The following MKRN2OS variants were observed in gnomAD, a reference collection of about 807,000 sequenced individuals.
The protein encoded by MKRN2OS is MKRN2 opposite strand protein.
MKRN2OS carries 17 observed loss-of-function variants against 18.2 expected under a neutral mutation model. The observed-to-expected ratio is 0.93, with a 90% CI of 0.64 to 1.40. The LOEUF is 1.40. Ranked by LOEUF, MKRN2OS falls within the 40% of genes most tolerant of loss-of-function variation. The pLI is 0.00. For missense variants in MKRN2OS, 337 were observed against 283.0 expected, an observed-to-expected ratio of 1.19 and a Z score of -1.37; for synonymous variants, 121 against 108.5, an observed-to-expected ratio of 1.12 and a Z score of -0.72.
upstream of MKRN2OS, among the ~76,000 whole-genome samples, chr3:12,548,481 AACC>A (rs2057904625): frequency 3.3e-5 from 1 of 30,332 alleles, no homozygotes; most frequent in Non-Finnish European, 6.1e-5. Flanking sequence ...AAAAAAAAAA[AACC>A]AGCCGAGCGT....
chr3:12,544,668 A>G (rs2057861520), intron 1 of MKRN2OS, among the ~76,000 whole-genome samples: 1 of 137,550 alleles, frequency 7.3e-6, no homozygotes, highest in African/African-American at 3.1e-5. Context: ...AACAAGAGCG[A>G]AACTCTGTCT....
At chr3:12,555,389 A>G (rs1559384412) in intron 1 of MKRN2OS, among the ~76,000 whole-genome samples, 1 of 151,738 alleles carries the variant, frequency 6.6e-6, no homozygotes, top group South Asian at 2.1e-4. Flanking sequence ...GTTAAAATGC[A>G]ATATTCAAGA....
At chr3:12,544,862 C>T (rs767518282) in intron 1 of MKRN2OS, among the ~76,000 whole-genome samples, 11 of 151,812 alleles carry the variant, frequency 7.2e-5, no homozygotes, top group Non-Finnish European at 1.2e-4. Flanking sequence ...TGCAAGTGCC[C>T]GTTCATCGGG....
At chr3:12,556,967 A>C in intron 1 of MKRN2OS, 1 of 548,662 alleles carries the variant, frequency 1.8e-6, no homozygotes, top group Non-Finnish European at 2.7e-6. Context: ...CCGGTGCGGA[A>C]CCAATTGTGA....
In MKRN2OS at chr3:12,545,308, T is replaced by C; in HGVS notation, c.157A>G (p.Thr53Ala). 2 of 1,536,084 alleles carry C rather than the reference T, an allele frequency of 1.3e-6. No homozygotes were observed. The highest frequency in any genetic ancestry group is 1.7e-6 in the Non-Finnish European group (2 of 1,146,850). Residue 53 changes from threonine to alanine, a missense_variant, in exon 1 of 4, where the codon ACT (threonine) becomes GCT (alanine). Transcript: ENST00000564146. ...GAACATTTTTCTTGATGTCCATTAGTAAATGGATTAGCGATGCTAACAGGT... is the reference window on the plus strand; with the variant it reads ...GAACATTTTTCTTGATGTCCATTAGCAAATGGATTAGCGATGCTAACAGGT... ...DAPVSIANPF[T>A]NGHQEKCSFL... is the part of the protein sequence containing the mutation.
Position 12,542,107 on chromosome 3 carries a change from A to G in MKRN2OS, c.269-85T>C, listed in dbSNP as rs779929517. The G allele has an allele frequency of 1.2e-4, 161 of 1,349,406 alleles. 2 individuals are homozygous for G. The highest frequency in any genetic ancestry group is 1.4e-4 in the Non-Finnish European group (138 of 1,004,942). 83.6% of individuals were successfully genotyped at this position (1,349,406 alleles called of 1,614,324 possible). On this transcript the variant is annotated intron_variant, in intron 2 of 3. Coordinates refer to ENST00000564146, the MANE Select transcript of MKRN2OS (RefSeq NM_001195279.2). Reference sequence around the variant, plus strand: ...GAGACATCAGAAAATGACAGTAGCCATGTGGTAACTTTACGTAACATAAAT... The same window carrying G: ...GAGACATCAGAAAATGACAGTAGCCGTGTGGTAACTTTACGTAACATAAAT...
At chr3:12,549,877 T>C (rs925275209), upstream of MKRN2OS, among the ~76,000 whole-genome samples, 3 of 152,152 alleles carry the variant, frequency 2.0e-5, no homozygotes, top group Non-Finnish European at 4.4e-5. Context: ...TAGTATTTCT[T>C]ATAGGGCAAG....
In MKRN2OS at chr3:12,545,396, G is replaced by A. The variant is rs779666935; in HGVS notation, c.69C>T (p.Phe23=). 19 of 1,535,754 alleles carry A rather than the reference G, an allele frequency of 1.2e-5. No individual in the cohort carries two copies. The highest frequency in any genetic ancestry group is 1.5e-5 in the Non-Finnish European group (17 of 1,146,864). ...FNHCEKYIYS[F]SVPQCCPLCQ... is the part of the protein sequence containing the mutation. ...AGAGAGGGCAGCACTGGGGCACACTGAAGCTGTAGATGTATTTCTCACAGT... is the reference window on the plus strand; with the variant it reads ...AGAGAGGGCAGCACTGGGGCACACTAAAGCTGTAGATGTATTTCTCACAGT... Residue 23 remains phenylalanine (F), a synonymous_variant, in exon 1 of 4, where the codon TTC becomes TTT. Coordinates refer to ENST00000564146, the MANE Select transcript of MKRN2OS (RefSeq NM_001195279.2).
Position 12,540,145 on chromosome 3 carries a change from G to T in MKRN2OS, c.*48C>A. On this transcript the variant is annotated 3_prime_UTR_variant, in exon 4 of 4. Transcript: ENST00000564146. Reference sequence around the variant, plus strand: ...TAGAAATCCATAGTACTGATTAAAGGTAGCAACCACCCTACCCTCCAGCGT... The same window carrying T: ...TAGAAATCCATAGTACTGATTAAAGTTAGCAACCACCCTACCCTCCAGCGT... 1 of 1,535,112 alleles carries T rather than the reference G, an allele frequency of 6.5e-7. No individual in the cohort carries two copies. Among genetic ancestry groups the T allele is most frequent in the Non-Finnish European group, 8.7e-7 (1 of 1,146,290 alleles).
At position 12,545,336 on chromosome 3, in the gene MKRN2OS, G is replaced by A. The variant is rs1159399683; in HGVS notation, c.129C>T (p.Asp43=). 57 of 1,535,998 alleles carry A rather than the reference G, an allele frequency of 3.7e-5. No individual in the cohort carries two copies. The highest frequency in any genetic ancestry group is 4.3e-5 in the Non-Finnish European group (49 of 1,146,916). ...ATGGATTAGCGATGCTAACAGGTGCGTCCTCCAGCTTCCTCGAGCCCAGGT... is the reference window on the plus strand; with the variant it reads ...ATGGATTAGCGATGCTAACAGGTGCATCCTCCAGCTTCCTCGAGCCCAGGT... ...QQDLGSRKLE[D]APVSIANPFT... Residue 43 remains aspartate (D), a synonymous_variant, in exon 1 of 4, where the codon GAC becomes GAT. Coordinates refer to ENST00000564146, the MANE Select transcript of MKRN2OS (RefSeq NM_001195279.2).
rs1400292200 is a variant in MKRN2OS, at chr3:12,559,792, C to T, written n.264+965G>A. 3.9e-5 allele frequency among the ~76,000 whole-genome samples: 6 copies of T among 152,282 alleles called. No individual in the cohort carries two copies. The East Asian group carries it at 1.2e-3, about 29-fold the overall frequency. ...ATCTCCCTGTCTTCCAGTCTGTTTT[C>T]GGAGCCCTGGGGGAGGCCCTTATTA... On this transcript the variant is annotated intron_variant and non_coding_transcript_variant, in intron 1 of 1. Coordinates refer to the MKRN2OS transcript ENST00000447550.
upstream of MKRN2OS, among the ~76,000 whole-genome samples, chr3:12,549,219 A>C (rs561547747): frequency 1.3e-5 from 2 of 152,060 alleles, no homozygotes; most frequent in Non-Finnish European, 2.9e-5. Flanking sequence ...CTGGGATTAC[A>C]GAAGTGAGCC....
Position 12,543,244 on chromosome 3 carries a change from GTTTGTTTTTT to G in MKRN2OS, c.219-25_219-16del, listed in dbSNP as rs933490754. The G allele has an allele frequency of 1.3e-6, 2 of 1,522,280 alleles. No individual in the cohort carries two copies. The highest frequency in any genetic ancestry group is 2.9e-5 in the African/African-American group (2 of 69,612). 94.3% of individuals were successfully genotyped at this position (1,522,280 alleles called of 1,614,324 possible). A position where few individuals can be genotyped will look rare whatever the true frequency, so the allele number is the denominator to read the frequency against. On this transcript the variant is annotated splice_polypyrimidine_tract_variant and intron_variant, in intron 1 of 3. Coordinates refer to ENST00000564146, the MANE Select transcript of MKRN2OS (RefSeq NM_001195279.2). ...CATCATACTCTCTGAAAGAAACAAGGTTTGTTTTTTTTTGGTTTGCATGTATTTGGCATGA... is the reference window on the plus strand; with the variant it reads ...CATCATACTCTCTGAAAGAAACAAGGTTTGGTTTGCATGTATTTGGCATGA...
downstream of MKRN2OS, among the ~76,000 whole-genome samples, chr3:12,553,145 A>G (rs1444730459): frequency 6.6e-6 from 1 of 152,190 alleles, no homozygotes; most frequent in Non-Finnish European, 1.5e-5. Context: ...TCCAGAGGAT[A>G]GAAAAGAAAG....
intron 1 of MKRN2OS, among the ~76,000 whole-genome samples, chr3:12,554,794 T>A (rs2057954586): frequency 6.6e-6 from 1 of 152,178 alleles, no homozygotes; most frequent in Admixed American, 6.5e-5. Context: ...TGTATTTACT[T>A]GTGTATATTT....
intron 3 of MKRN2OS, among the ~76,000 whole-genome samples, chr3:12,541,064 T>C (rs550778318): frequency 3.3e-4 from 50 of 151,918 alleles, no homozygotes; most frequent in African/African-American, 1.2e-3. Flanking sequence ...ATGAGTTTTA[T>C]GATATTCCAT....
Position 12,543,243 on chromosome 3 carries a change from G to A in MKRN2OS, c.219-14C>T, listed in dbSNP as rs1559380660. On this transcript the variant is annotated splice_polypyrimidine_tract_variant and intron_variant, in intron 1 of 3. Transcript: ENST00000564146. Reference sequence around the variant, plus strand: ...CCATCATACTCTCTGAAAGAAACAAGGTTTGTTTTTTTTTGGTTTGCATGT... The same window carrying A: ...CCATCATACTCTCTGAAAGAAACAAAGTTTGTTTTTTTTTGGTTTGCATGT... 2 of 1,526,370 alleles carry A rather than the reference G, an allele frequency of 1.3e-6. No individual in the cohort carries two copies. Among genetic ancestry groups the A allele is most frequent in the Non-Finnish European group, 1.7e-6 (2 of 1,143,956 alleles). The allele number at this position is 1,526,370 out of a possible 1,614,324, so 94.6% of individuals were successfully genotyped here.
rs1227268670 is a variant in MKRN2OS at position 12,540,187 on chromosome 3, T to G, written c.*6A>C. 3 of 1,535,988 alleles carry G rather than the reference T, an allele frequency of 2.0e-6. No individual in the cohort carries two copies. In the East Asian group the frequency reaches 7.3e-5, roughly 38 times the overall value. Reference sequence around the variant, plus strand: ...CTCCAGCGTCCAGGCTGCGCTTACATAGCTCTCAGCACAAACCGCCGCCCT... The same window carrying G: ...CTCCAGCGTCCAGGCTGCGCTTACAGAGCTCTCAGCACAAACCGCCGCCCT... On this transcript the variant is annotated 3_prime_UTR_variant, in exon 4 of 4. Coordinates refer to ENST00000564146, the MANE Select transcript of MKRN2OS (RefSeq NM_001195279.2).
chr3:12,555,562 T>G (rs1395828898), intron 1 of MKRN2OS, among the ~76,000 whole-genome samples: 2 of 152,154 alleles, frequency 1.3e-5, no homozygotes, highest in Non-Finnish European at 2.9e-5. Flanking sequence ...CATGGAAAGA[T>G]CTCACAGATA....
Sources: allele counts gnomAD v4.1 joint callset (sites outside exome capture counted in the v4.1 genomes callset), GRCh38; gene constraint gnomAD v4.1.1; transcripts MANE v1.5; gene names NCBI Gene and HGNC (gene_info 2026-07-23, HGNC 2026-07-21).